LRP1B: variants seen among roughly 807,000 people sequenced by gnomAD.
The protein encoded by LRP1B is low-density lipoprotein receptor-related protein 1B.
In LRP1B, 217 loss-of-function variants were observed where a neutral mutation model predicts 556.6. The ratio of observed to expected loss-of-function variants is 0.39; its 90% CI spans 0.35 to 0.44. The LOEUF is 0.44. Ranked by LOEUF, LRP1B falls within the 20% of genes least tolerant of loss-of-function variation. The pLI is 1.00. For synonymous variants in LRP1B, 2,047 were observed against 1,865.8 expected (o/e 1.10, Z -2.50); for missense variants, 5,053 against 5,620.8 (o/e 0.90, Z 3.23).
chr2:141,260,928 T>C (rs1684658282), intron 3 of LRP1B, among the ~76,000 whole-genome samples: 1 of 152,142 alleles, frequency 6.6e-6, no homozygotes, highest in Non-Finnish European at 1.5e-5. Flanking sequence ...TGTGCAAAAA[T>C]GCCTTTTATC....
At chr2:141,506,705 C>A (rs1683945699) in intron 2 of LRP1B, among the ~76,000 whole-genome samples, 1 of 151,876 alleles carries the variant, frequency 6.6e-6, no homozygotes, top group African/African-American at 2.4e-5. Context: ...ATACACTATA[C>A]AAATTGCACT....
intron 1 of LRP1B, among the ~76,000 whole-genome samples, chr2:141,991,275 A>G (rs1702335758): frequency 6.6e-6 from 1 of 152,042 alleles, no homozygotes; most frequent in Non-Finnish European, 1.5e-5. Context: ...TTGGTCTTTC[A>G]GTGGAAAATC....
At chr2:140,379,871 G>C (rs575440880) in intron 67 of LRP1B, among the ~76,000 whole-genome samples, 1 of 152,088 alleles carries the variant, frequency 6.6e-6, no homozygotes, top group Non-Finnish European at 1.5e-5. Context: ...CCCTTAAGTG[G>C]ATAATCTTCT....
rs1326863062 is a variant in LRP1B at position 141,217,964 on chromosome 2, CA to C, written c.850+11218del. On this transcript the variant is annotated intron_variant, in intron 6 of 90. Coordinates refer to ENST00000389484, the MANE Select transcript of LRP1B (RefSeq NM_018557.3). ...TTCAAAAGAAGATATACAAGTGGCCCAAAAACATGAAAAAATACTCAACATC... is the reference window on the plus strand; with the variant it reads ...TTCAAAAGAAGATATACAAGTGGCCCAAAACATGAAAAAATACTCAACATC... Among the ~76,000 whole-genome samples, 8 of 151,898 alleles carry C rather than the reference CA, an allele frequency of 5.3e-5. No individual in the cohort carries two copies. The East Asian group carries it at 1.2e-3, about 22-fold the overall frequency.
chr2:141,530,326 G>T (rs1684826016), intron 2 of LRP1B, among the ~76,000 whole-genome samples: 1 of 152,044 alleles, frequency 6.6e-6, no homozygotes, highest in South Asian at 2.1e-4. Flanking sequence ...TTACCAAAAG[G>T]TCAATATCAC....
intron 41 of LRP1B, among the ~76,000 whole-genome samples, chr2:140,670,419 C>T (rs974185280): frequency 1.2e-4 from 18 of 152,220 alleles, no homozygotes; most frequent in African/African-American, 4.3e-4. Context: ...CGAGGAAAGT[C>T]CACTTCCCAA....
intron 17 of LRP1B, among the ~76,000 whole-genome samples, chr2:140,987,030 A>G (rs1345760385): frequency 6.6e-6 from 1 of 152,182 alleles, no homozygotes; most frequent in African/African-American, 2.4e-5. Flanking sequence ...AAATCCAGAA[A>G]GAAATATGGT....
chr2:140,439,621 T>C (rs1686337589), intron 66 of LRP1B, among the ~76,000 whole-genome samples: 1 of 152,112 alleles, frequency 6.6e-6, no homozygotes, highest in African/African-American at 2.4e-5. Context: ...AAACTAGGCG[T>C]TAATAAAATG....
At chr2:140,316,984 G>C (rs1308987032) in intron 82 of LRP1B, among the ~76,000 whole-genome samples, 1 of 152,052 alleles carries the variant, frequency 6.6e-6, no homozygotes, top group African/African-American at 2.4e-5. Flanking sequence ...ATTATCGACC[G>C]AGTGCCCAGA....
intron 24 of LRP1B, among the ~76,000 whole-genome samples, chr2:140,885,791 A>C (rs1327683535): frequency 8.5e-5 from 7 of 82,154 alleles, no homozygotes; most frequent in Non-Finnish European, 1.3e-4. Context: ...GAAAGATGGT[A>C]GCAAAATTAA....
At chr2:141,366,176 G>T (rs931795065) in intron 3 of LRP1B, among the ~76,000 whole-genome samples, 1 of 152,066 alleles carries the variant, frequency 6.6e-6, no homozygotes, top group Non-Finnish European at 1.5e-5. Context: ...TCATTTTGAT[G>T]GTCCTCAATT....
chr2:141,068,805 T>G (rs1032045958), intron 7 of LRP1B, among the ~76,000 whole-genome samples: 1 of 151,998 alleles, frequency 6.6e-6, no homozygotes, highest in Admixed American at 6.6e-5. Flanking sequence ...CCTAAATAAT[T>G]TCTTTTTCAT....
chr2:140,836,495 T>C (rs1462338490), intron 31 of LRP1B, among the ~76,000 whole-genome samples: 1 of 152,230 alleles, frequency 6.6e-6, no homozygotes, highest in Non-Finnish European at 1.5e-5. Context: ...TTCTTTTTCT[T>C]CTTGTACTTA....
At chr2:141,382,548 G>T (rs79196296) in intron 3 of LRP1B, among the ~76,000 whole-genome samples, 2 of 152,136 alleles carry the variant, frequency 1.3e-5, no homozygotes, top group African/African-American at 2.4e-5. Flanking sequence ...ACCTGCCAGC[G>T]CAGAGGCCTG....
intron 6 of LRP1B, among the ~76,000 whole-genome samples, chr2:141,227,748 A>C (rs979496896): frequency 6.6e-5 from 10 of 152,188 alleles, no homozygotes; most frequent in Admixed American, 6.5e-4. Context: ...CATTTAATCT[A>C]ATTACAATGA....
chr2:140,680,914 C>T (rs1685837255), intron 41 of LRP1B, among the ~76,000 whole-genome samples: 1 of 152,192 alleles, frequency 6.6e-6, no homozygotes, highest in Admixed American at 6.5e-5. Flanking sequence ...TACTAACAGT[C>T]CCACAATCAT....
At chr2:140,910,047 CTTATT>C (rs1245249997) in intron 21 of LRP1B, among the ~76,000 whole-genome samples, 1 of 147,306 alleles carries the variant, frequency 6.8e-6, no homozygotes, top group Non-Finnish European at 1.5e-5. Context: ...ACCCTAAAAG[CTTATT>C]TTAAGTTAAA....
chr2:140,654,498 T>G (rs1429215631), intron 41 of LRP1B, among the ~76,000 whole-genome samples: 2 of 152,232 alleles, frequency 1.3e-5, no homozygotes, highest in Admixed American at 1.3e-4. Context: ...TCAAAGTGAA[T>G]AAATGGGTCT....
chr2:140,255,916 C>G (rs891961139), intron 86 of LRP1B, among the ~76,000 whole-genome samples: 1 of 152,074 alleles, frequency 6.6e-6, no homozygotes, highest in Non-Finnish European at 1.5e-5. Flanking sequence ...CTTTCATTCA[C>G]TTATTCTTTA....
Sources: gnomAD v4.1 joint callset for allele counts (sites outside exome capture counted in the v4.1 genomes callset) on GRCh38, gnomAD v4.1.1 for gene constraint, MANE v1.5 for transcripts, NCBI Gene and HGNC (gene_info 2026-07-23, HGNC 2026-07-21) for gene names.